Variants in MAL observed in about 807,000 individuals in gnomAD.
The protein encoded by MAL is mal, T cell differentiation protein (MAL blood group).
MAL carries 5 observed loss-of-function variants against 16.7 expected under a neutral mutation model. That is an observed-to-expected ratio of 0.30 (90% CI 0.16 to 0.63). The LOEUF (loss-of-function observed/expected upper bound fraction) is 0.63, where lower values mean the gene tolerates loss of function less well. Among genes scored for constraint, MAL ranks in the 30% least tolerant of loss-of-function variants. The pLI, the probability that MAL is intolerant of heterozygous loss-of-function variation, is 0.82. For missense variants in MAL, 202 were observed against 195.8 expected, an observed-to-expected ratio of 1.03 and a Z score of -0.19; for synonymous variants, 96 against 85.5, an observed-to-expected ratio of 1.12 and a Z score of -0.67.
At chr2:95,053,211 T>C (rs1674756195) in intron 3 of MAL, 170 bp from the exon 4 acceptor site, 1 of 648,012 alleles carries the variant, frequency 1.5e-6, no homozygotes, top group Non-Finnish European at 2.8e-6. Flanking sequence ...GAGGATTTGG[T>C]GCACACCTGG....
chr2:95,040,868 A>C (rs928047609), intron 1 of MAL, among the ~76,000 whole-genome samples: 4 of 152,146 alleles, frequency 2.6e-5, no homozygotes, highest in African/African-American at 9.7e-5. Flanking sequence ...ACACCTCAAG[A>C]ATTCAAGGCA....
At chr2:95,049,850 G>A in intron 3 of MAL, 144 bp downstream of exon 3, 3 of 1,240,764 alleles carry the variant, frequency 2.4e-6, no homozygotes, top group South Asian at 3.0e-5. Context: ...GCCTGGAGCA[G>A]GAAAGCCCCC....
At chr2:95,026,192 G>A (rs1673932173) in intron 1 of MAL, 1 of 246,416 alleles carries the variant, frequency 4.1e-6, no homozygotes, top group East Asian at 7.4e-5. Flanking sequence ...TCCCAAAGCT[G>A]CGCGCGGGGC....
chr2:95,025,731 G>T lies in MAL; in HGVS notation c.-62G>T, dbSNP rs1673915675. 10 of 1,178,158 alleles carry T rather than the reference G, an allele frequency of 8.5e-6. No homozygotes were observed. In the Admixed American group the frequency reaches 2.5e-4, roughly 29 times the overall value. 73.0% of individuals were successfully genotyped at this position (1,178,158 alleles called of 1,614,324 possible). The stretch of plus-strand genomic sequence containing the variant: ...CCACTGGGCTCCGCGGAGCCAGCGA[G>T]AGGTCTGCGCGGAGTCTGAGCGGCG... On this transcript the variant is annotated 5_prime_UTR_variant, in exon 1 of 4. Coordinates refer to ENST00000309988, the MANE Select transcript of MAL (RefSeq NM_002371.4). The surrounding 1 kb of genome is among the most constrained non-coding windows in gnomAD (Gnocchi z 5.6).
At chr2:95,052,325 G>A (rs1309835455) in intron 3 of MAL, among the ~76,000 whole-genome samples, 1 of 152,188 alleles carries the variant, frequency 6.6e-6, no homozygotes, top group Non-Finnish European at 1.5e-5. Context: ...GGACTTCCAA[G>A]GTGCTTCTGC....
At chr2:95,030,581 A>AC (rs1054553573) in intron 1 of MAL, among the ~76,000 whole-genome samples, 1 of 151,976 alleles carries the variant, frequency 6.6e-6, no homozygotes, top group African/African-American at 2.4e-5. Flanking sequence ...GCCAGGAGAG[A>AC]CCCCCTACCC....
At chr2:95,031,152 G>A (rs1396245342) in intron 1 of MAL, among the ~76,000 whole-genome samples, 3 of 152,178 alleles carry the variant, frequency 2.0e-5, no homozygotes, top group Non-Finnish European at 4.4e-5. Context: ...TGGGTCACCG[G>A]GTCTCCAGGG....
At chr2:95,042,724 C>T (rs554367877) in intron 1 of MAL, among the ~76,000 whole-genome samples, 1 of 152,312 alleles carries the variant, frequency 6.6e-6, no homozygotes, top group South Asian at 2.1e-4. Context: ...ATAATTGCCT[C>T]TTTGCACTGC....
At chr2:95,026,003 C>T in intron 1 of MAL, 118 bp downstream of exon 1, 6 of 865,058 alleles carry the variant, frequency 6.9e-6, no homozygotes, top group Non-Finnish European at 8.8e-6. Context: ...AGCATCGGGG[C>T]AGCAGGCGCA....
At chr2:95,051,966 C>G (rs1358045501) in intron 3 of MAL, 4 of 152,310 alleles carry the variant, frequency 2.6e-5, no homozygotes, top group Admixed American at 2.6e-4. Context: ...CTCACACCCT[C>G]TCTCACACAG....
In MAL at chr2:95,053,525, T is replaced by C; in HGVS notation, c.*70T>C. ...GCCGCCCCACTTTCCGGCATAACTT[T>C]TTAGAAAACAGAAATGCCCTTGATG... On this transcript the variant is annotated 3_prime_UTR_variant, in exon 4 of 4. Coordinates refer to ENST00000309988, the MANE Select transcript of MAL (RefSeq NM_002371.4). 8.0e-7 allele frequency: 1 copy of C among 1,246,880 alleles called. No individual in the cohort carries two copies. The highest frequency in any genetic ancestry group is 1.2e-5 in the South Asian group (1 of 83,206). The allele number at this position is 1,246,880 out of a possible 1,614,324, so 77.2% of individuals were successfully genotyped here.
intron 1 of MAL, among the ~76,000 whole-genome samples, chr2:95,037,964 GTGAGTGAGTGAGTGAC>G (rs1326558349): frequency 1.3e-5 from 2 of 150,570 alleles, no homozygotes; most frequent in African/African-American, 4.9e-5. Flanking sequence ...GAGTGACTGA[GTGAGTGAGTGAGTGAC>G]TGAGTGAGTG....
At chr2:95,028,094 G>A (rs891178579) in intron 1 of MAL, among the ~76,000 whole-genome samples, 1 of 147,896 alleles carries the variant, frequency 6.8e-6, no homozygotes, top group Non-Finnish European at 1.5e-5. Context: ...ATCACCTGAG[G>A]TCAGGAGTTC....
intron 1 of MAL, among the ~76,000 whole-genome samples, chr2:95,026,163 A>G (rs953658423): frequency 6.6e-6 from 1 of 151,372 alleles, no homozygotes; most frequent in East Asian, 2.0e-4. Flanking sequence ...GCAGGGGGGG[A>G]CGGCTCTTGG....
intron 1 of MAL, among the ~76,000 whole-genome samples, chr2:95,029,585 T>A (rs2104327835): frequency 6.6e-6 from 1 of 152,354 alleles, no homozygotes; most frequent in Non-Finnish European, 1.5e-5. Flanking sequence ...CTGTTGGAAA[T>A]GTCTCCCAGA....
intron 1 of MAL, 150 bp from the exon 2 acceptor site, chr2:95,047,809 A>AT (rs1674624350): frequency 1.4e-6 from 1 of 718,372 alleles, no homozygotes; most frequent in African/African-American, 1.8e-5. Flanking sequence ...CTAAAGATGC[A>AT]TTTTTGCAGA....
At chr2:95,046,892 AAGAAAGAGAGAGAG>A (rs371620818) in intron 1 of MAL, among the ~76,000 whole-genome samples, 5 of 151,170 alleles carry the variant, frequency 3.3e-5, no homozygotes, top group African/African-American at 9.7e-5. Context: ...AGAGAGAGAA[AAGAAAGAGAGAGAG>A]AGAAAGAGAG....
chr2:95,029,006 C>T (rs1008316233), intron 1 of MAL, among the ~76,000 whole-genome samples: 2 of 152,132 alleles, frequency 1.3e-5, no homozygotes, highest in Admixed American at 6.5e-5. Context: ...TACTAAATGC[C>T]ACTGAACTGT....
In MAL at chr2:95,053,810, G is replaced by A. The variant is rs940716070; in HGVS notation, c.*355G>A. 9 of 258,270 alleles carry A rather than the reference G, an allele frequency of 3.5e-5. No individual in the cohort carries two copies. The highest frequency in any genetic ancestry group is 6.0e-5 in the Non-Finnish European group (8 of 132,534). The allele number at this position is 258,270 out of a possible 1,614,324, so 16.0% of individuals were successfully genotyped here. On this transcript the variant is annotated 3_prime_UTR_variant, in exon 4 of 4. Transcript: ENST00000309988. ...TCTGCTGACCCCTGGAGCAGCTCTC[G>A]AGAACTACCTGTTGGTATTGTCCAC...
Sources: allele counts gnomAD v4.1 joint callset (sites outside exome capture counted in the v4.1 genomes callset), GRCh38; gene constraint gnomAD v4.1.1; non-coding constraint Gnocchi (gnomAD v3.1); transcripts MANE v1.5; gene names NCBI Gene and HGNC (gene_info 2026-07-23, HGNC 2026-07-21).